The following CTNNA3 variants were observed in gnomAD, a reference collection of about 807,000 sequenced individuals.
CTNNA3 encodes catenin alpha 3.
A neutral mutation model predicts 95.7 loss-of-function variants in CTNNA3; 76 were observed. The ratio of observed to expected loss-of-function variants is 0.79; its 90% CI spans 0.66 to 0.96. CTNNA3 has a LOEUF of 0.96. Among genes scored for constraint, CTNNA3 ranks in the 40% least tolerant of loss-of-function variants. The probability of loss-of-function intolerance (pLI) is 0.00; values close to 1 mark genes in which losing one functional copy is unlikely to be tolerated. For synonymous variants in CTNNA3, 431 were observed against 374.4 expected, an observed-to-expected ratio of 1.15 and a Z score of -1.74; for missense variants, 1,191 against 1,089.8, an observed-to-expected ratio of 1.09 and a Z score of -1.31.
At chr10:66,553,517 CTTTTTTTTTTT>C (rs753973882) in intron 10 of CTNNA3, among the ~76,000 whole-genome samples, 9 of 52,228 alleles carry the variant, frequency 1.7e-4, no homozygotes, top group African/African-American at 8.0e-4. Flanking sequence ...CAATACTTTT[CTTTTTTTTTTT>C]TTTTTTTTTT....
intron 11 of CTNNA3, among the ~76,000 whole-genome samples, chr10:66,489,489 C>T (rs75420573): frequency 0.019 from 2,831 of 152,122 alleles, 84 homozygotes; most frequent in African/African-American, 0.064. Flanking sequence ...GGAAATTTAA[C>T]GCTTAAAGAA....
chr10:66,698,543 A>G, intron 9 of CTNNA3, among the ~76,000 whole-genome samples: 1 of 152,238 alleles, frequency 6.6e-6, no homozygotes, highest in East Asian at 1.9e-4. Context: ...CTCCTGCTTA[A>G]GATTCATAAT....
At chr10:67,284,932 C>G (rs1406560411) in intron 5 of CTNNA3, among the ~76,000 whole-genome samples, 1 of 152,074 alleles carries the variant, frequency 6.6e-6, no homozygotes, top group Non-Finnish European at 1.5e-5. Flanking sequence ...CTTCAGTCAT[C>G]CCCTCACCCC....
intron 5 of CTNNA3, among the ~76,000 whole-genome samples, chr10:67,235,869 T>C (rs967245690): frequency 2.8e-5 from 4 of 141,350 alleles, no homozygotes; most frequent in Non-Finnish European, 6.0e-5. Flanking sequence ...CAGACTCTTC[T>C]CAAAAGAAGA....
rs35267371 is a variant in CTNNA3, at chr10:66,130,583, G to A, written c.1885-27334C>T. On this transcript the variant is annotated intron_variant, in intron 13 of 17. Coordinates refer to ENST00000433211, the MANE Select transcript of CTNNA3 (RefSeq NM_013266.4). ...GAATCGGCCGGGCACTGTGGCTCAC[G>A]CCTGTAATCCCAGCACTTTAGGAAG... Among the ~76,000 whole-genome samples the A allele has an allele frequency of 4.5e-3, 679 of 152,140 alleles. 3 individuals are homozygous for A. The highest frequency in any genetic ancestry group is 7.6e-3 in the Non-Finnish European group (519 of 67,986).
chr10:65,990,502 A>G (rs978529601), intron 15 of CTNNA3, among the ~76,000 whole-genome samples: 2 of 150,964 alleles, frequency 1.3e-5, no homozygotes, highest in African/African-American at 4.9e-5. Flanking sequence ...GCATGTTTTC[A>G]TATACCTATT....
At chr10:67,585,475 T>C (rs1311564705) in intron 3 of CTNNA3, among the ~76,000 whole-genome samples, 3 of 152,138 alleles carry the variant, frequency 2.0e-5, no homozygotes, top group Admixed American at 2.0e-4. Context: ...GGCTTTTCTT[T>C]TGGGGGAGTT....
chr10:65,979,722 C>A (rs796667249), intron 16 of CTNNA3, among the ~76,000 whole-genome samples: 26 of 152,078 alleles, frequency 1.7e-4, no homozygotes, highest in African/African-American at 6.0e-4. Flanking sequence ...GCATTTAAAA[C>A]ACTGTTTCAG....
intron 13 of CTNNA3, among the ~76,000 whole-genome samples, chr10:66,132,072 C>T (rs575016090): frequency 6.6e-6 from 1 of 152,200 alleles, no homozygotes; most frequent in East Asian, 1.9e-4. Flanking sequence ...AAACTAAGAG[C>T]TTCTGCACAG....
intron 16 of CTNNA3, among the ~76,000 whole-genome samples, chr10:65,976,947 A>G (rs1261374372): frequency 1.3e-5 from 2 of 152,122 alleles, no homozygotes; most frequent in African/African-American, 4.8e-5. Flanking sequence ...TGATTATTAC[A>G]TTGTATATCT....
chr10:66,071,673 G>A (rs545071635), intron 14 of CTNNA3, among the ~76,000 whole-genome samples: 1 of 152,210 alleles, frequency 6.6e-6, no homozygotes, highest in South Asian at 2.1e-4. Context: ...CCAAAGAATA[G>A]TCACATTGTT....
intron 7 of CTNNA3, among the ~76,000 whole-genome samples, chr10:66,910,358 C>T (rs1005234987): frequency 3.3e-5 from 5 of 152,086 alleles, no homozygotes; most frequent in Admixed American, 6.5e-5. Context: ...CCTTCATGGC[C>T]TCGCTTAAAG....
chr10:67,023,139 T>C (rs1365605931), intron 7 of CTNNA3, among the ~76,000 whole-genome samples: 1 of 152,140 alleles, frequency 6.6e-6, no homozygotes, highest in Non-Finnish European at 1.5e-5. Flanking sequence ...AATTGACAAG[T>C]AGATTCTAAT....
At chr10:66,812,994 A>T in intron 7 of CTNNA3, among the ~76,000 whole-genome samples, 1 of 151,562 alleles carries the variant, frequency 6.6e-6, no homozygotes, top group Admixed American at 6.8e-5. Flanking sequence ...TCCTTGAATT[A>T]GTAGGTTCTG....
At chr10:67,196,691 T>A (rs1372755150) in intron 6 of CTNNA3, among the ~76,000 whole-genome samples, 2 of 152,060 alleles carry the variant, frequency 1.3e-5, no homozygotes, top group Non-Finnish European at 2.9e-5. Flanking sequence ...TTCTTTCAGT[T>A]TTTTATCTTT....
chr10:66,688,022 G>GGGT (rs1238612356), intron 9 of CTNNA3, among the ~76,000 whole-genome samples: 1 of 151,896 alleles, frequency 6.6e-6, no homozygotes, highest in African/African-American at 2.4e-5. Context: ...GCTGTTTTGA[G>GGGT]GGTAAAAGAT....
intron 15 of CTNNA3, among the ~76,000 whole-genome samples, chr10:66,049,571 A>C (rs572768508): frequency 2.6e-5 from 4 of 152,356 alleles, no homozygotes; most frequent in South Asian, 4.1e-4. Flanking sequence ...GACTGGATAG[A>C]GAAAATGTGG....
intron 6 of CTNNA3, among the ~76,000 whole-genome samples, chr10:67,194,670 A>C (rs1167321661): frequency 6.6e-6 from 1 of 151,938 alleles, no homozygotes; most frequent in Non-Finnish European, 1.5e-5. Flanking sequence ...CCAAGCCCAC[A>C]GAACGTACAA....
intron 7 of CTNNA3, among the ~76,000 whole-genome samples, chr10:67,123,976 C>T (rs767181334): frequency 5.3e-5 from 8 of 152,222 alleles, no homozygotes; most frequent in Admixed American, 1.3e-4. Context: ...CATACACACA[C>T]GTGTGGACAT....
Sources: gnomAD v4.1 joint callset for allele counts (sites outside exome capture counted in the v4.1 genomes callset) on GRCh38, gnomAD v4.1.1 for gene constraint, MANE v1.5 for transcripts, NCBI Gene and HGNC (gene_info 2026-07-23, HGNC 2026-07-21) for gene names.